Variants in MOK observed in about 807,000 individuals in gnomAD.
MOK encodes MAPK/MAK/MRK overlapping kinase.
In MOK, 59 loss-of-function variants were observed where a neutral mutation model predicts 54.2. The ratio of observed to expected loss-of-function variants is 1.09; its 90% CI spans 0.88 to 1.35. The LOEUF is 1.35. Among genes scored for constraint, MOK ranks in the 40% most tolerant of loss-of-function variants. The pLI, the probability that MOK is intolerant of heterozygous loss-of-function variation, is 0.00. For missense variants in MOK, 517 were observed against 526.2 expected (o/e 0.98, Z 0.17); for synonymous variants, 210 against 202.7 (o/e 1.04, Z -0.31).
At chr14:102,278,381 TAAA>T (rs71305084) in intron 2 of MOK, among the ~76,000 whole-genome samples, 2 of 132,692 alleles carry the variant, frequency 1.5e-5, no homozygotes, top group Non-Finnish European at 1.7e-5. Flanking sequence ...TACTTTTAAG[TAAA>T]AAAAAAAAAA....
the MOK span, among the ~76,000 whole-genome samples, chr14:102,216,099 C>T: frequency 2.6e-5 from 4 of 152,294 alleles, no homozygotes; most frequent in East Asian, 1.9e-4. Flanking sequence ...GCACGTTCAT[C>T]GGGTGGGGAA....
intron 1 of MOK, among the ~76,000 whole-genome samples, chr14:102,294,119 G>A (rs1395659236): frequency 6.6e-6 from 1 of 151,158 alleles, no homozygotes; most frequent in Non-Finnish European, 1.5e-5. Context: ...GGGTAACATG[G>A]TGAAATCTTG....
chr14:102,265,320 C>T (rs904382221), intron 3 of MOK, among the ~76,000 whole-genome samples: 1 of 152,158 alleles, frequency 6.6e-6, no homozygotes, highest in African/African-American at 2.4e-5. Flanking sequence ...TAAATGAAGG[C>T]ATTTCCACAT....
chr14:102,275,330 C>T (rs1049262590), intron 2 of MOK, among the ~76,000 whole-genome samples: 2 of 152,224 alleles, frequency 1.3e-5, no homozygotes, highest in African/African-American at 2.4e-5. Flanking sequence ...TTTGGGAGGC[C>T]GAGGTGGGTG....
At chr14:102,258,535 G>C (rs1004556697) in intron 4 of MOK, among the ~76,000 whole-genome samples, 11 of 152,146 alleles carry the variant, frequency 7.2e-5, no homozygotes, top group Non-Finnish European at 1.6e-4. Context: ...GGTGGGAACT[G>C]TGTCTGCTGT....
chr14:102,235,127 A>G lies in MOK; in HGVS notation c.591-1338T>C, dbSNP rs1255414754. 7.2e-6 allele frequency: 1 copy of G among 139,232 alleles called. No individual in the cohort carries two copies. The highest frequency in any genetic ancestry group is 1.6e-5 in the Non-Finnish European group (1 of 64,028). The allele number at this position is 139,232 out of a possible 1,614,324, so 8.6% of individuals were successfully genotyped here. On this transcript the variant is annotated intron_variant, in intron 7 of 11. Transcript: ENST00000361847. This position sits in a 1 kb window ranked among gnomAD's most constrained non-coding sequence, Gnocchi z 4.4. ...CTCTCCCCTTCTCTCCAACCACCCC[A>G]CCTCCGACTCTGAGTCCTCCCCATC...
chr14:102,220,784 A>T (rs1451953657), downstream of MOK, among the ~76,000 whole-genome samples: 1 of 151,312 alleles, frequency 6.6e-6, no homozygotes, highest in East Asian at 1.9e-4. The surrounding 1 kb of genome is among the most constrained non-coding windows in gnomAD (Gnocchi z 4.2). Flanking sequence ...CTATCTTTTC[A>T]TTTTTTGAGA....
rs943027475 is a variant in MOK, at chr14:102,229,452, G to T, written c.1182+5C>A. ...GCGCCGTCAGAGAAGCTGGTTCCGC[G>T]CTACCTTCTTGCTCGCAGGGATGCA... On this transcript the variant is annotated splice_donor_5th_base_variant and intron_variant, in intron 11 of 11. Transcript: ENST00000361847. The T allele has an allele frequency of 2.5e-6, 4 of 1,614,196 alleles. No homozygotes were observed. Among genetic ancestry groups the T allele is most frequent in the Non-Finnish European group, 3.4e-6 (4 of 1,180,028 alleles).
chr14:102,286,298 C>CA (rs60479729), intron 1 of MOK, among the ~76,000 whole-genome samples: 716 of 25,396 alleles, frequency 0.028, 54 homozygotes, highest in African/African-American at 0.048. Context: ...GACTCCGTCT[C>CA]AAAAAAAAAA....
chr14:102,231,684 C>A lies in MOK; in HGVS notation c.981+23G>T. ...CAGTCCCGGCTGAGCTAGGCAGTCT[C>A]CGGCTCCGATTTCGCTTAGTACCTG... On this transcript the variant is annotated intron_variant, in intron 10 of 11. Transcript: ENST00000361847. This position sits in a 1 kb window ranked among gnomAD's most constrained non-coding sequence, Gnocchi z 4.4. The A allele has an allele frequency of 6.2e-7, 1 of 1,602,982 alleles. No individual in the cohort carries two copies. Among genetic ancestry groups the A allele is most frequent in the Non-Finnish European group, 8.5e-7 (1 of 1,172,326 alleles).
At chr14:102,298,163 G>C (rs899660044) in intron 1 of MOK, among the ~76,000 whole-genome samples, 1 of 152,248 alleles carries the variant, frequency 6.6e-6, no homozygotes, top group Non-Finnish European at 1.5e-5. Flanking sequence ...GAGTCTAGTG[G>C]GGACTTAGAG....
intron 4 of MOK, among the ~76,000 whole-genome samples, chr14:102,255,111 A>G (rs1464860091): frequency 6.6e-6 from 1 of 152,100 alleles, no homozygotes; most frequent in Non-Finnish European, 1.5e-5. Context: ...CGAGGTCCGG[A>G]GATCGAGACC....
At chr14:102,218,075 A>C in the MOK span, among the ~76,000 whole-genome samples, 1 of 152,198 alleles carries the variant, frequency 6.6e-6, no homozygotes, top group Admixed American at 6.5e-5. Flanking sequence ...GTGTAGAACC[A>C]GATTCTGTCT....
At position 102,228,992 on chromosome 14, in the gene MOK, C is replaced by G. The variant is rs1387787289; in HGVS notation, c.*297G>C. Reference sequence around the variant, plus strand: ...CCAACACATCACAGAAATGCCTGCTCGTTTGTTTTGATTCATATACAAAGT... The same window carrying G: ...CCAACACATCACAGAAATGCCTGCTGGTTTGTTTTGATTCATATACAAAGT... On this transcript the variant is annotated 3_prime_UTR_variant, in exon 12 of 12. Transcript: ENST00000361847. 2.4e-6 allele frequency: 1 copy of G among 420,532 alleles called. No individual in the cohort carries two copies. The highest frequency in any genetic ancestry group is 2.1e-5 in the African/African-American group (1 of 48,344). 26.1% of individuals were successfully genotyped at this position (420,532 alleles called of 1,614,324 possible).
intron 1 of MOK, among the ~76,000 whole-genome samples, chr14:102,293,737 G>GA (rs1164110639): frequency 1.7e-5 from 2 of 116,880 alleles, no homozygotes; most frequent in South Asian, 2.7e-4. Context: ...GAAAAGAAAA[G>GA]AAAAAAAAGA....
chr14:102,304,456 A>C (rs1398554010), intron 1 of MOK, among the ~76,000 whole-genome samples: 1 of 152,124 alleles, frequency 6.6e-6, no homozygotes, highest in Non-Finnish European at 1.5e-5. Flanking sequence ...TGGTTCCTAT[A>C]AAACACTACT....
At chr14:102,272,519 A>G (rs566933730) in intron 2 of MOK, among the ~76,000 whole-genome samples, 10 of 152,250 alleles carry the variant, frequency 6.6e-5, no homozygotes, top group African/African-American at 2.4e-4. Flanking sequence ...ATACAAAAAT[A>G]CTTGACAAAA....
intron 4 of MOK, among the ~76,000 whole-genome samples, chr14:102,260,102 G>A (rs1359235511): frequency 2.6e-5 from 4 of 151,962 alleles, no homozygotes; most frequent in Admixed American, 6.6e-5. Flanking sequence ...CTTGAACCCG[G>A]GAGGCGGAGG....
At chr14:102,224,840 TGAAA>T, downstream of MOK, 1 of 455,352 alleles carries the variant, frequency 2.2e-6, no homozygotes, top group Non-Finnish European at 4.4e-6. Flanking sequence ...CTGTTCTAAA[TGAAA>T]GAATCAGAAT....
Sources: gnomAD v4.1 joint callset for allele counts (sites outside exome capture counted in the v4.1 genomes callset) on GRCh38, gnomAD v4.1.1 for gene constraint, Gnocchi (gnomAD v3.1) non-coding constraint, MANE v1.5 for transcripts, NCBI Gene and HGNC (gene_info 2026-07-23, HGNC 2026-07-21) for gene names.